Variants in GABRB2 observed in about 807,000 individuals in gnomAD.
GABRB2 encodes the protein gamma-aminobutyric acid receptor subunit beta-2.
Under a neutral mutation model 54.7 loss-of-function variants are expected in GABRB2, and 16 were observed. That is an observed-to-expected ratio of 0.29 (90% CI 0.20 to 0.44). GABRB2 has a LOEUF of 0.44. Ranked by LOEUF, GABRB2 falls within the 20% of genes least tolerant of loss-of-function variation. The pLI is 1.00. For missense variants in GABRB2, 355 were observed against 644.0 expected, an observed-to-expected ratio of 0.55 and a Z score of 4.86; for synonymous variants, 244 against 233.8, an observed-to-expected ratio of 1.04 and a Z score of -0.40.
intron 3 of GABRB2, among the ~76,000 whole-genome samples, chr5:161,464,338 T>C (rs1278000309): frequency 6.6e-6 from 1 of 152,046 alleles, no homozygotes. Context: ...TATAAAATGA[T>C]GCTCAACACC....
chr5:161,456,489 G>C (rs981432924), intron 4 of GABRB2, among the ~76,000 whole-genome samples: 5 of 152,086 alleles, frequency 3.3e-5, no homozygotes, highest in Non-Finnish European at 7.4e-5. Flanking sequence ...CATGCTCTCA[G>C]GTGATTCCTA....
intron 4 of GABRB2, among the ~76,000 whole-genome samples, chr5:161,441,431 T>G (rs1757462484): frequency 6.6e-6 from 1 of 152,090 alleles, no homozygotes; most frequent in Admixed American, 6.6e-5. Flanking sequence ...TTAAAATGGC[T>G]TATATCCAAA....
chr5:161,546,777 CG>C, upstream of GABRB2: 1 of 1,461,268 alleles, frequency 6.8e-7, no homozygotes, highest in Non-Finnish European at 9.0e-7. Context: ...CGGCGGCTGC[CG>C]GGGACCGAGC....
chr5:161,452,131 C>G (rs1323903479), intron 4 of GABRB2, among the ~76,000 whole-genome samples: 8 of 152,076 alleles, frequency 5.3e-5, no homozygotes, highest in Admixed American at 5.2e-4. Context: ...ATTGGTAATT[C>G]AAGTTGACTG....
chr5:161,525,678 A>C (rs921588202), intron 3 of GABRB2, among the ~76,000 whole-genome samples: 8 of 151,204 alleles, frequency 5.3e-5, no homozygotes, highest in African/African-American at 1.9e-4. Flanking sequence ...CTTTGTTTTA[A>C]TTTGCCTAGA....
At chr5:161,474,771 T>C (rs753793258) in intron 3 of GABRB2, among the ~76,000 whole-genome samples, 4 of 151,980 alleles carry the variant, frequency 2.6e-5, no homozygotes, top group Non-Finnish European at 5.9e-5. Context: ...CATTTGTCTT[T>C]TTCTCTAACT....
intron 3 of GABRB2, among the ~76,000 whole-genome samples, chr5:161,514,138 C>T (rs920027902): frequency 1.3e-5 from 2 of 152,148 alleles, no homozygotes; most frequent in Non-Finnish European, 2.9e-5. Flanking sequence ...CAGTGATGTG[C>T]TCATCACCTG....
chr5:161,509,584 C>T (rs983926863), intron 3 of GABRB2, among the ~76,000 whole-genome samples: 3 of 151,938 alleles, frequency 2.0e-5, no homozygotes, highest in Non-Finnish European at 4.4e-5. Context: ...GGCACTCTAT[C>T]GTATCATTTA....
intron 5 of GABRB2, among the ~76,000 whole-genome samples, chr5:161,387,446 A>G (rs1755680269): frequency 6.6e-6 from 1 of 152,094 alleles, no homozygotes; most frequent in African/African-American, 2.4e-5. Flanking sequence ...TATCACAGTA[A>G]CCTGAAGCTT....
At chr5:161,338,488 T>C (rs535399203) in intron 5 of GABRB2, among the ~76,000 whole-genome samples, 60 of 152,198 alleles carry the variant, frequency 3.9e-4, no homozygotes, top group African/African-American at 1.4e-3. Context: ...ATAACTTTCA[T>C]TTAAAAGTAA....
chr5:161,410,854 T>G, intron 5 of GABRB2, 121 bp downstream of exon 5: 1 of 657,796 alleles, frequency 1.5e-6, no homozygotes, highest in Non-Finnish European at 2.6e-6. Context: ...CTCAACCAAA[T>G]TTAGTTGGGC....
At chr5:161,320,715 A>G (rs1758184195) in intron 9 of GABRB2, among the ~76,000 whole-genome samples, 3 of 151,900 alleles carry the variant, frequency 2.0e-5, no homozygotes, top group Non-Finnish European at 2.9e-5. Context: ...TATCTCTATT[A>G]TAAAGCATTT....
chr5:161,472,496 A>G (rs1008856929), intron 3 of GABRB2, among the ~76,000 whole-genome samples: 1 of 151,362 alleles, frequency 6.6e-6, no homozygotes, highest in Non-Finnish European at 1.5e-5. Flanking sequence ...ACTATTTGGG[A>G]CATACATAAA....
At chr5:161,474,819 C>G (rs1055033762) in intron 3 of GABRB2, among the ~76,000 whole-genome samples, 3 of 151,898 alleles carry the variant, frequency 2.0e-5, no homozygotes, top group Non-Finnish European at 2.9e-5. Context: ...CTGCTCATAA[C>G]TTTACGGTAT....
intron 9 of GABRB2, 94 bp downstream of exon 9, chr5:161,326,274 T>C: frequency 1.3e-6 from 2 of 1,542,812 alleles, no homozygotes; most frequent in South Asian, 1.2e-5. Flanking sequence ...TCATAGGTTA[T>C]CTGCAAAGAT....
At chr5:161,436,326 G>A (rs1333113418) in intron 4 of GABRB2, among the ~76,000 whole-genome samples, 1 of 151,972 alleles carries the variant, frequency 6.6e-6, no homozygotes, top group Non-Finnish European at 1.5e-5. Flanking sequence ...AGGTCAGTAG[G>A]TCGAGACCAG....
chr5:161,411,582 G>A, intron 4 of GABRB2, among the ~76,000 whole-genome samples: 1 of 151,942 alleles, frequency 6.6e-6, no homozygotes, highest in South Asian at 2.1e-4. Flanking sequence ...ACCTGATTTT[G>A]GTATTTTATC....
intron 3 of GABRB2, among the ~76,000 whole-genome samples, chr5:161,482,290 A>G (rs1252415434): frequency 1.3e-5 from 2 of 152,066 alleles, no homozygotes; most frequent in African/African-American, 4.8e-5. Flanking sequence ...GAGTCTGCTA[A>G]GTCTATCCAG....
chr5:161,372,423 C>A (rs1172688097), intron 5 of GABRB2, among the ~76,000 whole-genome samples: 2 of 152,096 alleles, frequency 1.3e-5, no homozygotes, highest in Non-Finnish European at 2.9e-5. Context: ...TTTTTCTTAA[C>A]TCCCTAATCG....
Sources: gnomAD v4.1 joint callset for allele counts (sites outside exome capture counted in the v4.1 genomes callset) on GRCh38, gnomAD v4.1.1 for gene constraint, MANE v1.5 for transcripts, NCBI Gene and HGNC (gene_info 2026-07-23, HGNC 2026-07-21) for gene names.